Variants in CACNA1D observed in about 807,000 individuals in gnomAD.
CACNA1D encodes the protein calcium voltage-gated channel subunit alpha1 D.
A neutral mutation model predicts 257.1 loss-of-function variants in CACNA1D; 55 were observed. The observed-to-expected ratio is 0.21, with a 90% CI of 0.17 to 0.27. The LOEUF (loss-of-function observed/expected upper bound fraction) is 0.27. Among genes scored for constraint, CACNA1D ranks in the 10% least tolerant of loss-of-function variants. The pLI is 1.00. For missense variants in CACNA1D, 1,876 were observed against 2,784.0 expected (o/e 0.67, Z 7.34); for synonymous variants, 980 against 1,014.9 (o/e 0.97, Z 0.65).
intron 5 of CACNA1D, among the ~76,000 whole-genome samples, chr3:53,662,627 C>T (rs1389309215): frequency 5.9e-5 from 9 of 152,104 alleles, no homozygotes; most frequent in South Asian, 2.1e-4. Context: ...ACCAGACCCA[C>T]GATCTCCACA....
chr3:53,787,034 A>C, intron 40 of CACNA1D, 82 bp downstream of exon 40: 2 of 1,426,054 alleles, frequency 1.4e-6, no homozygotes, highest in African/African-American at 1.4e-5. Context: ...CTGCCTATTC[A>C]TGGTTGAGCA....
chr3:53,511,229 A>G lies in CACNA1D; in HGVS notation c.483+9509A>G, dbSNP rs1206136636. On this transcript the variant is annotated intron_variant, in intron 3 of 47. Transcript: ENST00000350061. ...TTCCGAAATCTCTGAGGTGGTTTAG[A>G]AAATAGAATTTGATGAAAGTGGGAC... Among the ~76,000 whole-genome samples the G allele has an allele frequency of 2.0e-5, 3 of 152,266 alleles. No homozygotes were observed. The East Asian group carries it at 5.8e-4, about 29-fold the overall frequency.
chr3:53,787,433 G>T (rs1486295558), intron 40 of CACNA1D, among the ~76,000 whole-genome samples: 2 of 151,246 alleles, frequency 1.3e-5, no homozygotes, highest in African/African-American at 4.9e-5. Context: ...TTCTGTGTGT[G>T]TGTGTGTGTG....
chr3:53,705,438 C>A (rs1364464666), intron 9 of CACNA1D, among the ~76,000 whole-genome samples: 4 of 152,216 alleles, frequency 2.6e-5, no homozygotes, highest in African/African-American at 4.8e-5. Context: ...GGCTCCCAAG[C>A]CCATAAAGCT....
chr3:53,810,758 C>CAAAAAAAAAAAAAAAAAAAAAAAAAAA (rs71074934), intron 47 of CACNA1D, among the ~76,000 whole-genome samples: 10 of 68,292 alleles, frequency 1.5e-4, no homozygotes, highest in Non-Finnish European at 2.4e-4. Context: ...ACTCTTGTCT[C>CAAAAAAAAAAAAAAAAAAAAAAAAAAA]AAAAAAAAAA....
intron 39 of CACNA1D, chr3:53,782,228 TAC>T (rs1312303703): frequency 7.0e-6 from 1 of 142,548 alleles, no homozygotes; most frequent in African/African-American, 2.7e-5. Flanking sequence ...TCTATATATA[TAC>T]ACACATACAG....
At chr3:53,696,326 T>C (rs919750962) in intron 8 of CACNA1D, among the ~76,000 whole-genome samples, 2 of 152,242 alleles carry the variant, frequency 1.3e-5, no homozygotes, top group African/African-American at 4.8e-5. Flanking sequence ...CCTCTGCTCC[T>C]GCTTTTCCTT....
chr3:53,784,227 G>A (rs1041107400), intron 39 of CACNA1D, among the ~76,000 whole-genome samples: 5 of 152,172 alleles, frequency 3.3e-5, no homozygotes, highest in South Asian at 2.1e-4. Context: ...CAGCCTTCCC[G>A]TGCCATCTTG....
chr3:53,599,329 G>T (rs1055867185), intron 3 of CACNA1D, among the ~76,000 whole-genome samples: 1 of 151,854 alleles, frequency 6.6e-6, no homozygotes, highest in Admixed American at 6.6e-5. Context: ...AGCATCTTGG[G>T]GTAGCAAAAT....
chr3:53,579,877 C>T (rs1247375576), intron 3 of CACNA1D, among the ~76,000 whole-genome samples: 1 of 152,218 alleles, frequency 6.6e-6, no homozygotes, highest in Non-Finnish European at 1.5e-5. Context: ...CCATGCAGGC[C>T]CCGGATGCTG....
chr3:53,729,462 G>A (rs552307355), intron 15 of CACNA1D, among the ~76,000 whole-genome samples: 2 of 152,118 alleles, frequency 1.3e-5, no homozygotes, highest in Non-Finnish European at 2.9e-5. Context: ...GCAGATGGCC[G>A]GGCATCAGGC....
At chr3:53,575,096 G>A (rs1033873528) in intron 3 of CACNA1D, among the ~76,000 whole-genome samples, 6 of 152,228 alleles carry the variant, frequency 3.9e-5, no homozygotes, top group African/African-American at 1.4e-4. Context: ...TTGGCCTGGG[G>A]TGTTTGGAGA....
chr3:53,553,925 G>A (rs1419781342), intron 3 of CACNA1D, among the ~76,000 whole-genome samples: 1 of 151,252 alleles, frequency 6.6e-6, no homozygotes, highest in Non-Finnish European at 1.5e-5. Context: ...GGCTGGGCAT[G>A]GTGGCTCACA....
chr3:53,712,018 G>C (rs1390938443), intron 9 of CACNA1D, among the ~76,000 whole-genome samples: 1 of 152,252 alleles, frequency 6.6e-6, no homozygotes, highest in Non-Finnish European at 1.5e-5. Flanking sequence ...GCAGGAAATA[G>C]TGTCATGGAC....
In CACNA1D at chr3:53,744,736, C is replaced by A; in HGVS notation, c.2919-4C>A. On this transcript the variant is annotated splice_region_variant and splice_polypyrimidine_tract_variant and intron_variant, in intron 22 of 47. Transcript: ENST00000350061. ...TGCCTGCCGTCTTTCTGCTCCTTCC[C>A]TAGATCCAGTGCCATCTCCGTTGTG... The A allele has an allele frequency of 6.4e-7, 1 of 1,572,600 alleles. No individual in the cohort carries two copies. Among genetic ancestry groups the A allele is most frequent in the Non-Finnish European group, 8.8e-7 (1 of 1,142,034 alleles).
intron 3 of CACNA1D, among the ~76,000 whole-genome samples, chr3:53,595,109 G>A (rs1478724966): frequency 6.6e-6 from 1 of 152,172 alleles, no homozygotes; most frequent in Non-Finnish European, 1.5e-5. Context: ...GATGCTAATT[G>A]TTTAGCTATT....
intron 8 of CACNA1D, among the ~76,000 whole-genome samples, chr3:53,681,545 T>C (rs966977987): frequency 6.6e-6 from 1 of 152,120 alleles, no homozygotes; most frequent in African/African-American, 2.4e-5. Context: ...GGGGTTACAG[T>C]GGTGGAATGT....
rs1375282500 is a variant in CACNA1D at position 53,495,977 on chromosome 3, C to T, written c.67+744C>T. ...TCCCCTTTGGAGACCGCCAGTGCCC[C>T]CCAACCCCTGTCGGCTGGAAGCCTT... On this transcript the variant is annotated intron_variant, in intron 1 of 47. Coordinates refer to ENST00000350061, the MANE Select transcript of CACNA1D (RefSeq NM_001128840.3). The surrounding 1 kb of genome is among the most constrained non-coding windows in gnomAD (Gnocchi z 5.1). Among the ~76,000 whole-genome samples the T allele has an allele frequency of 1.3e-5, 2 of 152,214 alleles. No homozygotes were observed. The highest frequency in any genetic ancestry group is 2.9e-5 in the Non-Finnish European group (2 of 68,036).
chr3:53,780,220 C>A, intron 38 of CACNA1D, 92 bp downstream of exon 38: 5 of 1,016,982 alleles, frequency 4.9e-6, no homozygotes, highest in Non-Finnish European at 6.2e-6. Context: ...TTTTCTTGGC[C>A]AAGGGGAGGC....
Sources: gnomAD v4.1 joint callset for allele counts (sites outside exome capture counted in the v4.1 genomes callset) on GRCh38, gnomAD v4.1.1 for gene constraint, Gnocchi (gnomAD v3.1) non-coding constraint, MANE v1.5 for transcripts, NCBI Gene and HGNC (gene_info 2026-07-23, HGNC 2026-07-21) for gene names.